Variants in CACNB2 observed in about 807,000 individuals in gnomAD.
CACNB2 encodes calcium voltage-gated channel auxiliary subunit beta 2.
CACNB2 carries 42 observed loss-of-function variants against 73.3 expected under a neutral mutation model. The observed-to-expected ratio is 0.57, with a 90% CI of 0.45 to 0.74. CACNB2 has a LOEUF of 0.74. Ranked by LOEUF, CACNB2 falls within the 30% of genes least tolerant of loss-of-function variation. CACNB2 has a pLI of 0.00. For missense variants in CACNB2, 940 were observed against 853.0 expected (o/e 1.10, Z -1.27); for synonymous variants, 348 against 310.3 (o/e 1.12, Z -1.28).
chr10:18,506,387 AT>A (rs2050490717), intron 5 of CACNB2, 83 bp from the exon 6 acceptor site: 4 of 770,852 alleles, frequency 5.2e-6, no homozygotes, highest in Non-Finnish European at 9.4e-6. Flanking sequence ...TAAAACCATA[AT>A]GAATTATGTT....
At chr10:18,150,855 CTTT>C (rs71402148) in intron 1 of CACNB2, 25 bp from the exon 2 acceptor site, 8,818 of 474,996 alleles carry the variant, frequency 0.019, 1 homozygote, top group East Asian at 0.026. Context: ...TCTTATTTGT[CTTT>C]TTTTTTTTTT....
chr10:18,353,879 A>T lies in CACNB2; in HGVS notation c.214-48045A>T, dbSNP rs368229508. On this transcript the variant is annotated intron_variant, in intron 2 of 13. Coordinates refer to ENST00000324631, the MANE Select transcript of CACNB2 (RefSeq NM_201596.3). The stretch of plus-strand genomic sequence containing the variant: ...CCCAAAGGCATTATAAGGAAATAGT[A>T]TGAGCAAAGTTTTCTTTCTAGTATA... 1.9e-3 allele frequency among the ~76,000 whole-genome samples: 293 copies of T among 152,366 alleles called. 2 individuals are homozygous for T. Among genetic ancestry groups the T allele is most frequent in the African/African-American group, 6.5e-3 (270 of 41,582 alleles).
chr10:18,303,170 G>A (rs2039593916), intron 2 of CACNB2, among the ~76,000 whole-genome samples: 2 of 152,042 alleles, frequency 1.3e-5, no homozygotes, highest in African/African-American at 4.8e-5. Context: ...TGGCTGTGCG[G>A]GAGTGCTGGC....
intron 3 of CACNB2, among the ~76,000 whole-genome samples, chr10:18,426,401 A>G (rs529323263): frequency 6.6e-6 from 1 of 152,234 alleles, no homozygotes; most frequent in Non-Finnish European, 1.5e-5. Flanking sequence ...TCTGTTGGCT[A>G]ATATGGAGAA....
At chr10:18,423,704 A>C (rs907762016) in intron 3 of CACNB2, among the ~76,000 whole-genome samples, 2 of 152,142 alleles carry the variant, frequency 1.3e-5, no homozygotes, top group African/African-American at 4.8e-5. Context: ...TAGTAACATA[A>C]AGGACTCAAG....
At chr10:18,149,891 T>G (rs2031353240) in intron 1 of CACNB2, among the ~76,000 whole-genome samples, 2 of 152,228 alleles carry the variant, frequency 1.3e-5, no homozygotes, top group South Asian at 4.1e-4. Context: ...AAATACATTA[T>G]TTCGTTTCAT....
Position 18,207,209 on chromosome 10 carries a change from A to G in CACNB2, c.213+56234A>G, listed in dbSNP as rs530598663. 1.8e-4 allele frequency among the ~76,000 whole-genome samples: 27 copies of G among 152,218 alleles called. No individual in the cohort carries two copies. The South Asian group carries it at 4.8e-3, about 27-fold the overall frequency. On this transcript the variant is annotated intron_variant, in intron 2 of 13. Coordinates refer to ENST00000324631, the MANE Select transcript of CACNB2 (RefSeq NM_201596.3). ...GTTTTGGTAGAGACAGGGTTTCACC[A>G]TGTTGGCCAAGCTGGTCTTGAACTC...
At chr10:18,281,165 C>T (rs1017230379) in intron 2 of CACNB2, among the ~76,000 whole-genome samples, 8 of 152,108 alleles carry the variant, frequency 5.3e-5, no homozygotes, top group African/African-American at 1.7e-4. Flanking sequence ...CAAGATAATA[C>T]TCATTAGTGT....
chr10:18,355,055 G>A (rs2041854988), intron 2 of CACNB2, among the ~76,000 whole-genome samples: 1 of 152,146 alleles, frequency 6.6e-6, no homozygotes, highest in Non-Finnish European at 1.5e-5. Context: ...AAGTGTACAT[G>A]AAACATTAAT....
At chr10:18,497,704 C>A (rs535702446) in intron 3 of CACNB2, among the ~76,000 whole-genome samples, 1 of 152,148 alleles carries the variant, frequency 6.6e-6, no homozygotes, top group Admixed American at 6.5e-5. Flanking sequence ...GGATTACAGG[C>A]ATGAGCCACC....
At chr10:18,525,394 T>C (rs189516982) in intron 9 of CACNB2, among the ~76,000 whole-genome samples, 1 of 152,322 alleles carries the variant, frequency 6.6e-6, no homozygotes, top group African/African-American at 2.4e-5. Context: ...TTCTGTTTAA[T>C]TGCTAGTTTA....
chr10:18,294,903 G>A (rs1182131620), intron 2 of CACNB2, among the ~76,000 whole-genome samples: 3 of 152,190 alleles, frequency 2.0e-5, no homozygotes, highest in Admixed American at 6.5e-5. Flanking sequence ...TGACATGTAG[G>A]AACTTCGTAA....
Position 18,541,035 on chromosome 10 carries a change from A to ATTTGT in CACNB2, c.*1315_*1319dup, listed in dbSNP as rs2054043969. The ATTTGT allele has an allele frequency of 5.3e-5, 5 of 94,346 alleles. No homozygotes were observed. The highest frequency in any genetic ancestry group is 7.3e-5 in the African/African-American group (2 of 27,352). 5.8% of individuals were successfully genotyped at this position (94,346 alleles called of 1,614,324 possible). Reference sequence around the variant, plus strand: ...ATGTACAATCTTTGTGTGTTAGAGTATTTGTTTTAGTAAGAAATGTTTACA... The same window carrying ATTTGT: ...ATGTACAATCTTTGTGTGTTAGAGTATTTGTTTTGTTTTAGTAAGAAATGTTTACA... On this transcript the variant is annotated 3_prime_UTR_variant, in exon 14 of 14. Transcript: ENST00000324631.
intron 2 of CACNB2, among the ~76,000 whole-genome samples, chr10:18,336,310 C>G (rs1437684524): frequency 6.6e-6 from 1 of 152,100 alleles, no homozygotes; most frequent in Non-Finnish European, 1.5e-5. Context: ...TTAATACTCC[C>G]CAGAACAATA....
intron 1 of CACNB2, 135 bp downstream of exon 1, chr10:18,140,991 C>T: frequency 4.6e-6 from 7 of 1,523,008 alleles, no homozygotes; most frequent in Non-Finnish European, 6.2e-6. Context: ...CCACCCTCTG[C>T]TCCTCTCCTG....
intron 2 of CACNB2, among the ~76,000 whole-genome samples, chr10:18,248,917 T>G (rs765417172): frequency 2.8e-4 from 42 of 152,104 alleles, no homozygotes; most frequent in Non-Finnish European, 5.4e-4. Flanking sequence ...CAGACACACA[T>G]AGTGGGGGAA....
At chr10:18,484,532 T>G (rs986057661) in intron 3 of CACNB2, among the ~76,000 whole-genome samples, 4 of 152,188 alleles carry the variant, frequency 2.6e-5, no homozygotes, top group African/African-American at 9.6e-5. Context: ...AGGCAGCAGC[T>G]ACACAAAAGA....
intron 2 of CACNB2, among the ~76,000 whole-genome samples, chr10:18,242,560 A>G (rs2131511514): frequency 6.6e-6 from 1 of 152,366 alleles, no homozygotes; most frequent in Non-Finnish European, 1.5e-5. Context: ...TGAAGCAAAT[A>G]TATAAATGAA....
intron 2 of CACNB2, among the ~76,000 whole-genome samples, chr10:18,182,842 C>G (rs935480138): frequency 6.6e-6 from 1 of 150,756 alleles, no homozygotes; most frequent in Non-Finnish European, 1.5e-5. Flanking sequence ...AAAACAAAAA[C>G]CCATAATTTC....
Sources: gnomAD v4.1 joint callset for allele counts (sites outside exome capture counted in the v4.1 genomes callset) on GRCh38, gnomAD v4.1.1 for gene constraint, MANE v1.5 for transcripts, NCBI Gene and HGNC (gene_info 2026-07-23, HGNC 2026-07-21) for gene names.